TACC1: variants seen among roughly 807,000 people sequenced by gnomAD.
TACC1 encodes transforming acidic coiled-coil-containing protein 1.
Under a neutral mutation model 84.4 loss-of-function variants are expected in TACC1, and 48 were observed. The ratio of observed to expected loss-of-function variants is 0.57; its 90% CI spans 0.45 to 0.72. The LOEUF (loss-of-function observed/expected upper bound fraction) is 0.72. Among genes scored for constraint, TACC1 ranks in the 30% least tolerant of loss-of-function variants. The pLI, the probability that TACC1 is intolerant of heterozygous loss-of-function variation, is 0.00. For synonymous variants in TACC1, 372 were observed against 376.3 expected, an observed-to-expected ratio of 0.99 and a Z score of 0.13; for missense variants, 920 against 973.0, an observed-to-expected ratio of 0.95 and a Z score of 0.72.
chr8:38,811,666 A>G (rs1349046879), intron 2 of TACC1, among the ~76,000 whole-genome samples: 4 of 152,192 alleles, frequency 2.6e-5, no homozygotes, highest in Admixed American at 1.3e-4. Flanking sequence ...TAATCCTGTT[A>G]TCTTCGTAAG....
chr8:38,811,056 T>C (rs1321143488), intron 2 of TACC1, among the ~76,000 whole-genome samples: 1 of 152,024 alleles, frequency 6.6e-6, no homozygotes, highest in Non-Finnish European at 1.5e-5. Flanking sequence ...AGGTCGAGAT[T>C]GGAGTGAGCC....
At chr8:38,825,231 C>A in intron 3 of TACC1, 77 bp from the exon 4 acceptor site, 1 of 1,467,756 alleles carries the variant, frequency 6.8e-7, no homozygotes, top group Non-Finnish European at 9.5e-7. Flanking sequence ...GCACACACTG[C>A]TGTCTGCTCC....
chr8:38,795,327 ATTTTTC>A (rs1452269755), intron 2 of TACC1, among the ~76,000 whole-genome samples: 1 of 152,164 alleles, frequency 6.6e-6, no homozygotes, highest in East Asian at 1.9e-4. Flanking sequence ...TCAAATCACA[ATTTTTC>A]TTTTAAGATG....
intron 3 of TACC1, among the ~76,000 whole-genome samples, chr8:38,753,191 C>T (rs889129482): frequency 6.6e-6 from 1 of 152,104 alleles, no homozygotes; most frequent in Non-Finnish European, 1.5e-5. Context: ...CTTTGATTTC[C>T]TGGGCTCCAG....
At chr8:38,799,823 C>T (rs1411888748) in intron 2 of TACC1, 2 of 152,292 alleles carry the variant, frequency 1.3e-5, no homozygotes, top group East Asian at 1.9e-4. Context: ...AGACCTACCA[C>T]CTCTCTCAAG....
chr8:38,810,057 A>G (rs1823705326), intron 2 of TACC1, among the ~76,000 whole-genome samples: 1 of 152,206 alleles, frequency 6.6e-6, no homozygotes, highest in African/African-American at 2.4e-5. Flanking sequence ...CATTGCCCAG[A>G]TAAAGGACTA....
At chr8:38,766,378 A>G (rs987714925) in intron 3 of TACC1, among the ~76,000 whole-genome samples, 1 of 152,238 alleles carries the variant, frequency 6.6e-6, no homozygotes, top group Non-Finnish European at 1.5e-5. Flanking sequence ...AAATTTGGGA[A>G]TGTTACACAG....
At chr8:38,818,882 A>G (rs944231128) in intron 2 of TACC1, among the ~76,000 whole-genome samples, 1 of 150,234 alleles carries the variant, frequency 6.7e-6, no homozygotes, top group African/African-American at 2.5e-5. Context: ...GGTTCAAGTG[A>G]TTCTCCTGCC....
At chr8:38,747,226 C>A (rs2151718699) in intron 3 of TACC1, among the ~76,000 whole-genome samples, 1 of 152,314 alleles carries the variant, frequency 6.6e-6, no homozygotes, top group Non-Finnish European at 1.5e-5. Flanking sequence ...GGATGTGGAA[C>A]AACAGAAACT....
chr8:38,792,650 A>G (rs2152020090), intron 2 of TACC1, among the ~76,000 whole-genome samples: 1 of 152,302 alleles, frequency 6.6e-6, no homozygotes, highest in East Asian at 1.9e-4. Flanking sequence ...TATTTTTAGT[A>G]GAGACGGGGT....
At chr8:38,760,773 C>T (rs1811062066) in intron 3 of TACC1, among the ~76,000 whole-genome samples, 2 of 152,296 alleles carry the variant, frequency 1.3e-5, no homozygotes, top group African/African-American at 4.8e-5. Context: ...CCACCCACCT[C>T]ACCCTCCCAA....
intron 3 of TACC1, among the ~76,000 whole-genome samples, chr8:38,768,375 CATT>C (rs1371158684): frequency 2.0e-5 from 3 of 152,184 alleles, no homozygotes; most frequent in Non-Finnish European, 4.4e-5. Flanking sequence ...AGAGGGGACT[CATT>C]GTGACTTTTT....
chr8:38,734,189 C>CTGTT (rs766115706), intron 1 of TACC1, among the ~76,000 whole-genome samples: 1 of 151,970 alleles, frequency 6.6e-6, no homozygotes, highest in African/African-American at 2.4e-5. Flanking sequence ...TAGTTTCAGC[C>CTGTT]TGTTTGTTTG....
intron 3 of TACC1, among the ~76,000 whole-genome samples, chr8:38,746,484 T>C (rs1185238497): frequency 6.6e-6 from 1 of 152,178 alleles, no homozygotes; most frequent in African/African-American, 2.4e-5. Flanking sequence ...TCTACTTGAG[T>C]TTCTTCTCTC....
At position 38,848,215 on chromosome 8, in the gene TACC1, A is replaced by G. The variant is rs775730654; in HGVS notation, c.*192A>G. 1.8e-6 allele frequency: 1 copy of G among 543,998 alleles called. No individual in the cohort carries two copies. Among genetic ancestry groups the G allele is most frequent in the Non-Finnish European group, 3.2e-6 (1 of 309,220 alleles). 33.7% of individuals were successfully genotyped at this position (543,998 alleles called of 1,614,324 possible). ...CCTGGAAGAAACCCTAGAGGGTTGC[A>G]TAGTCTAGAAAGGAGTGTGACCTGA... On this transcript the variant is annotated 3_prime_UTR_variant, in exon 13 of 13. Coordinates refer to ENST00000317827, the MANE Select transcript of TACC1 (RefSeq NM_006283.3).
At chr8:38,765,728 T>C (rs921674862) in intron 3 of TACC1, among the ~76,000 whole-genome samples, 11 of 152,200 alleles carry the variant, frequency 7.2e-5, no homozygotes, top group Non-Finnish European at 1.0e-4. Context: ...AAAGCATTTC[T>C]AAATGCATGA....
rs180973172 is a variant in TACC1, at chr8:38,765,792, A to G, written c.26+20299A>G. Among the ~76,000 whole-genome samples, 109 of 152,340 alleles carry G rather than the reference A, an allele frequency of 7.2e-4. 1 individual carries two copies. The highest frequency in any genetic ancestry group is 4.7e-4 in the Non-Finnish European group (32 of 68,028). ...GACGGGACATATGCCGAAAAGTCAA[A>G]CAAGAGGAAATGACCTTGTGAATGG... On this transcript the variant is annotated intron_variant, in intron 3 of 14. Coordinates refer to the TACC1 transcript ENST00000518415.
intron 2 of TACC1, 101 bp from the exon 3 acceptor site, chr8:38,819,421 G>A: frequency 2.3e-6 from 3 of 1,327,032 alleles, no homozygotes; most frequent in Non-Finnish European, 2.0e-6. Context: ...TAAAAGCAAA[G>A]AGGGAAGAAC....
At chr8:38,832,920 C>T (rs778610884) in intron 6 of TACC1, among the ~76,000 whole-genome samples, 4 of 152,122 alleles carry the variant, frequency 2.6e-5, no homozygotes, top group Non-Finnish European at 5.9e-5. Flanking sequence ...AATTTGCAAC[C>T]GGGAGTCCAT....
Sources: gnomAD v4.1 joint callset for allele counts (sites outside exome capture counted in the v4.1 genomes callset) on GRCh38, gnomAD v4.1.1 for gene constraint, MANE v1.5 for transcripts, NCBI Gene and HGNC (gene_info 2026-07-23, HGNC 2026-07-21) for gene names.